PRKN: variants seen among roughly 807,000 people sequenced by gnomAD.
PRKN encodes the protein parkin RBR E3 ubiquitin protein ligase.
Under a neutral mutation model 59.5 loss-of-function variants are expected in PRKN, and 56 were observed. The observed-to-expected ratio is 0.94, with a 90% CI of 0.76 to 1.18. The LOEUF (loss-of-function observed/expected upper bound fraction) is 1.18. PRKN is among the 50% of genes most tolerant of loss of function. The pLI is 0.00. For synonymous variants in PRKN, 250 were observed against 222.1 expected, an observed-to-expected ratio of 1.13 and a Z score of -1.12; for missense variants, 657 against 596.4, an observed-to-expected ratio of 1.10 and a Z score of -1.06.
intron 2 of PRKN, among the ~76,000 whole-genome samples, chr6:162,417,902 C>T (rs1788724600): frequency 3.3e-5 from 5 of 152,186 alleles, no homozygotes; most frequent in Admixed American, 3.3e-4. Flanking sequence ...CTCTTGATTA[C>T]TGATATGAAG....
At chr6:162,144,142 C>T (rs1781903909) in intron 4 of PRKN, among the ~76,000 whole-genome samples, 1 of 152,166 alleles carries the variant, frequency 6.6e-6, no homozygotes, top group Admixed American at 6.5e-5. Flanking sequence ...TAGGTGCTCA[C>T]TACCCCAGCT....
chr6:162,418,955 G>A (rs1418116563), intron 2 of PRKN, among the ~76,000 whole-genome samples: 3 of 151,862 alleles, frequency 2.0e-5, no homozygotes, highest in Non-Finnish European at 4.4e-5. Flanking sequence ...CCCAACCCTG[G>A]AGGTGTCACA....
At chr6:161,450,732 T>C (rs946478148) in intron 9 of PRKN, among the ~76,000 whole-genome samples, 1 of 152,132 alleles carries the variant, frequency 6.6e-6, no homozygotes, top group Non-Finnish European at 1.5e-5. Flanking sequence ...AATTTTTGTA[T>C]TTTTAGTAGA....
chr6:161,587,008 C>T (rs1464289908), intron 7 of PRKN, among the ~76,000 whole-genome samples: 1 of 152,168 alleles, frequency 6.6e-6, no homozygotes, highest in African/African-American at 2.4e-5. Context: ...TTTTCACTGC[C>T]TTGTTTTCAC....
chr6:162,092,902 C>T (rs1200028180), intron 4 of PRKN, among the ~76,000 whole-genome samples: 1 of 152,160 alleles, frequency 6.6e-6, no homozygotes, highest in Non-Finnish European at 1.5e-5. Flanking sequence ...TCATCCAGGG[C>T]TGGATTTCCT....
chr6:161,880,231 C>T (rs1201669683), intron 6 of PRKN, among the ~76,000 whole-genome samples: 1 of 152,070 alleles, frequency 6.6e-6, no homozygotes, highest in Admixed American at 6.6e-5. Context: ...AACAAAAATT[C>T]CTTATGCCAC....
chr6:162,660,593 A>T (rs548607260), intron 1 of PRKN, among the ~76,000 whole-genome samples: 1 of 152,238 alleles, frequency 6.6e-6, no homozygotes, highest in South Asian at 2.1e-4. Context: ...ACAGTGTTCA[A>T]TTTGCATTCT....
intron 4 of PRKN, among the ~76,000 whole-genome samples, chr6:162,141,436 G>T (rs1477455234): frequency 2.0e-5 from 3 of 152,158 alleles, no homozygotes; most frequent in Non-Finnish European, 2.9e-5. Flanking sequence ...CTTCAACTGT[G>T]CAATCTACAG....
chr6:161,710,209 A>T (rs572556557), intron 7 of PRKN, among the ~76,000 whole-genome samples: 34 of 152,146 alleles, frequency 2.2e-4, no homozygotes, highest in Non-Finnish European at 4.9e-4. Flanking sequence ...AAAAGAACCT[A>T]GATAATCTTA....
intron 6 of PRKN, among the ~76,000 whole-genome samples, chr6:161,903,413 C>T (rs1006158485): frequency 2.0e-5 from 3 of 152,150 alleles, no homozygotes; most frequent in Non-Finnish European, 4.4e-5. Context: ...ATGAATATGT[C>T]TTGACCAAGG....
At chr6:162,706,923 ACTTCT>A (rs1182257386) in intron 1 of PRKN, among the ~76,000 whole-genome samples, 2 of 152,222 alleles carry the variant, frequency 1.3e-5, no homozygotes, top group Non-Finnish European at 2.9e-5. Flanking sequence ...TTTGAAAACA[ACTTCT>A]CTTTTGTTTG....
At chr6:161,848,713 AT>A in intron 6 of PRKN, among the ~76,000 whole-genome samples, 1 of 152,224 alleles carries the variant, frequency 6.6e-6, no homozygotes, top group East Asian at 1.9e-4. Flanking sequence ...ATAATAAATT[AT>A]TCATAAATAG....
intron 1 of PRKN, among the ~76,000 whole-genome samples, chr6:162,573,971 G>A (rs1462937747): frequency 1.3e-5 from 2 of 152,170 alleles, no homozygotes; most frequent in East Asian, 3.9e-4. Flanking sequence ...AATTTTGGTG[G>A]GGAAGGAAAG....
intron 6 of PRKN, among the ~76,000 whole-genome samples, chr6:161,843,079 C>A (rs1793055327): frequency 1.3e-5 from 2 of 152,092 alleles, no homozygotes; most frequent in African/African-American, 2.4e-5. Flanking sequence ...ATTGGCTTCA[C>A]CCAGACAGAT....
intron 6 of PRKN, among the ~76,000 whole-genome samples, chr6:161,882,938 G>A (rs1794993262): frequency 6.6e-6 from 1 of 151,794 alleles, no homozygotes; most frequent in Non-Finnish European, 1.5e-5. Context: ...CCGGGAGGTG[G>A]AGGTTGCAGT....
At chr6:162,202,685 A>C (rs925027940) in intron 3 of PRKN, among the ~76,000 whole-genome samples, 9 of 152,334 alleles carry the variant, frequency 5.9e-5, no homozygotes, top group Non-Finnish European at 1.2e-4. Context: ...CATGTAATAT[A>C]CATGCAGCAT....
At position 161,578,498 on chromosome 6, in the gene PRKN, T is replaced by C. The variant is rs1781219085; in HGVS notation, c.872-9082A>G. Reference sequence around the variant, plus strand: ...AGACAACAGTTTCCTTATGAAGGCTTCCTTAGGACTTTGTCTCACTGTGTC... The same window carrying C: ...AGACAACAGTTTCCTTATGAAGGCTCCCTTAGGACTTTGTCTCACTGTGTC... On this transcript the variant is annotated intron_variant, in intron 7 of 11. Transcript: ENST00000366898. The surrounding 1 kb of genome is among the most constrained non-coding windows in gnomAD (Gnocchi z 4.2). Among the ~76,000 whole-genome samples the C allele has an allele frequency of 6.6e-6, 1 of 152,202 alleles. No individual in the cohort carries two copies. Among genetic ancestry groups the C allele is most frequent in the Non-Finnish European group, 1.5e-5 (1 of 68,034 alleles).
intron 7 of PRKN, among the ~76,000 whole-genome samples, chr6:161,571,299 G>C (rs1780879502): frequency 6.6e-6 from 1 of 152,148 alleles, no homozygotes; most frequent in African/African-American, 2.4e-5. Flanking sequence ...GTTTCTTTGA[G>C]ATAAGACCTA....
chr6:162,201,864 G>A (rs2128330738), intron 3 of PRKN, among the ~76,000 whole-genome samples: 1 of 152,156 alleles, frequency 6.6e-6, no homozygotes, highest in South Asian at 2.1e-4. Flanking sequence ...CTCTACCTAG[G>A]CAAACACCAT....
Sources: allele counts gnomAD v4.1 joint callset (sites outside exome capture counted in the v4.1 genomes callset), GRCh38; gene constraint gnomAD v4.1.1; non-coding constraint Gnocchi (gnomAD v3.1); transcripts MANE v1.5; gene names NCBI Gene and HGNC (gene_info 2026-07-23, HGNC 2026-07-21).